The following ZMAT5 variants were observed in gnomAD, a reference collection of about 807,000 sequenced individuals.
The protein encoded by ZMAT5 is zinc finger matrin-type 5, also known as zinc finger matrin-type protein 5.
In ZMAT5, 23 loss-of-function variants were observed where a neutral mutation model predicts 28.0. That is an observed-to-expected ratio of 0.82 (90% CI 0.59 to 1.16). The LOEUF (loss-of-function observed/expected upper bound fraction) is 1.16. Ranked by LOEUF, ZMAT5 falls within the 50% of genes most tolerant of loss-of-function variation. The probability of loss-of-function intolerance (pLI) is 0.00; values close to 1 mark genes in which losing one functional copy is unlikely to be tolerated. For missense variants in ZMAT5, 173 were observed against 212.7 expected (o/e 0.81, Z 1.16); for synonymous variants, 76 against 84.1 (o/e 0.90, Z 0.52).
chr22:29,752,284 C>T (rs1276854633), intron 1 of ZMAT5, among the ~76,000 whole-genome samples: 1 of 152,146 alleles, frequency 6.6e-6, no homozygotes, highest in East Asian at 1.9e-4. Context: ...CCTGCCTCCC[C>T]AGCCACACTC....
chr22:29,738,448 G>A lies in ZMAT5; in HGVS notation c.272-7C>T. ...TCCCTGGCTCGCCTCTCCTCTGTGG[G>A]GACAGGGAGACAAAGGCAAGTGAGG... is the stretch of plus-strand genomic sequence containing the variant. On this transcript the variant is annotated splice_polypyrimidine_tract_variant and splice_region_variant and intron_variant, in intron 4 of 5. Coordinates refer to ENST00000344318, the MANE Select transcript of ZMAT5 (RefSeq NM_001003692.2). 2 of 1,608,196 alleles carry A rather than the reference G, an allele frequency of 1.2e-6. No individual in the cohort carries two copies. The highest frequency in any genetic ancestry group is 8.5e-7 in the Non-Finnish European group (1 of 1,178,840).
At chr22:29,758,177 C>T (rs888210429) in intron 1 of ZMAT5, among the ~76,000 whole-genome samples, 1 of 152,200 alleles carries the variant, frequency 6.6e-6, no homozygotes, top group Non-Finnish European at 1.5e-5. Context: ...CATTTGGAAG[C>T]AAACCCTCTG....
At chr22:29,752,192 G>C (rs2147230694) in intron 1 of ZMAT5, among the ~76,000 whole-genome samples, 1 of 152,256 alleles carries the variant, frequency 6.6e-6, no homozygotes, top group East Asian at 1.9e-4. Context: ...GCTCAGGTCT[G>C]CCAGGAAAGC....
Position 29,740,636 on chromosome 22 carries a change from A to T in ZMAT5, c.271+14T>A, listed in dbSNP as rs982279561. On this transcript the variant is annotated intron_variant, in intron 4 of 5. Coordinates refer to ENST00000344318, the MANE Select transcript of ZMAT5 (RefSeq NM_001003692.2). ...ACCCCACTCCCGCTTAGCCCAGGGC[A>T]TCCCGAGACGTACCCTCCACCTGGA... is the stretch of plus-strand genomic sequence containing the variant. The T allele has an allele frequency of 3.1e-6, 5 of 1,588,852 alleles. No homozygotes were observed. The highest frequency in any genetic ancestry group is 1.8e-5 in the Admixed American group (1 of 55,370).
chr22:29,745,437 G>A (rs748544678), intron 2 of ZMAT5, among the ~76,000 whole-genome samples: 5 of 152,230 alleles, frequency 3.3e-5, no homozygotes, highest in Non-Finnish European at 7.3e-5. Flanking sequence ...GCGCAAGCTC[G>A]CTAGGCAGAG....
At chr22:29,753,858 T>C (rs2068076266) in intron 1 of ZMAT5, among the ~76,000 whole-genome samples, 2 of 152,064 alleles carry the variant, frequency 1.3e-5, no homozygotes, top group Non-Finnish European at 2.9e-5. Flanking sequence ...TTCAACAAGA[T>C]GACCTCGCTC....
At chr22:29,743,663 C>T (rs2067984597) in intron 2 of ZMAT5, among the ~76,000 whole-genome samples, 1 of 152,210 alleles carries the variant, frequency 6.6e-6, no homozygotes, top group Non-Finnish European at 1.5e-5. Flanking sequence ...AACTCCTGGG[C>T]TCAAGCGATC....
chr22:29,758,560 T>C (rs1235712920), intron 1 of ZMAT5, among the ~76,000 whole-genome samples: 4 of 151,956 alleles, frequency 2.6e-5, no homozygotes, highest in African/African-American at 9.7e-5. Context: ...GAGATGAAGG[T>C]TGCAGTGAGC....
chr22:29,732,391 C>CGTGA (rs1491209601), intron 5 of ZMAT5, among the ~76,000 whole-genome samples: 1 of 151,980 alleles, frequency 6.6e-6, no homozygotes, highest in Non-Finnish European at 1.5e-5. Context: ...CAGCAATAGC[C>CGTGA]GTGAGACAAT....
Position 29,761,392 on chromosome 22 carries a change from C to A in ZMAT5, c.-28+5480G>T, listed in dbSNP as rs532830864. Among the ~76,000 whole-genome samples the A allele has an allele frequency of 2.9e-3, 444 of 151,352 alleles. 1 individual carries two copies. The highest frequency in any genetic ancestry group is 0.01 in the African/African-American group (424 of 41,194). Reference sequence around the variant, plus strand: ...AGGAGTTCAAAACCAGCCTGGGCAACATAGGGGAACCTTGTCTCTACAAAT... The same window carrying A: ...AGGAGTTCAAAACCAGCCTGGGCAAAATAGGGGAACCTTGTCTCTACAAAT... On this transcript the variant is annotated intron_variant, in intron 1 of 5. Coordinates refer to ENST00000344318, the MANE Select transcript of ZMAT5 (RefSeq NM_001003692.2).
In ZMAT5 at chr22:29,748,496, T is replaced by C. The variant is rs757879328; in HGVS notation, c.49A>G (p.Asn17Asp). ...CDYCDRSFQD[N>D]LHNRKKHLNG... ...AGGTGCTTCTTGCGGTTGTGGAGGT[T>C]GTCCTGGAAGGAGCGGTCGCAGTAG... Residue 17 changes from asparagine (N) to aspartate (D), a missense_variant, in exon 2 of 6, where the codon AAC (asparagine) becomes GAC (aspartate). Transcript: ENST00000344318. 2.5e-6 allele frequency: 4 copies of C among 1,614,242 alleles called. No homozygotes were observed. Among genetic ancestry groups the C allele is most frequent in the Non-Finnish European group, 3.4e-6 (4 of 1,180,036 alleles).
At chr22:29,756,380 C>A (rs1341159364) in intron 1 of ZMAT5, among the ~76,000 whole-genome samples, 1 of 152,218 alleles carries the variant, frequency 6.6e-6, no homozygotes, top group African/African-American at 2.4e-5. Context: ...GATGTCTTTC[C>A]TGACCGAACC....
At chr22:29,753,416 T>C (rs954191981) in intron 1 of ZMAT5, among the ~76,000 whole-genome samples, 5 of 152,056 alleles carry the variant, frequency 3.3e-5, no homozygotes, top group Non-Finnish European at 7.4e-5. Flanking sequence ...TCCCAGCTAC[T>C]CAGAAGGCTG....
chr22:29,746,009 G>A (rs965918875), intron 2 of ZMAT5, among the ~76,000 whole-genome samples: 1 of 152,160 alleles, frequency 6.6e-6, no homozygotes, highest in African/African-American at 2.4e-5. Flanking sequence ...GTCCCGCTCT[G>A]TTGCCGAGGC....
intron 1 of ZMAT5, among the ~76,000 whole-genome samples, chr22:29,756,275 C>T (rs1361456244): frequency 6.6e-6 from 1 of 152,234 alleles, no homozygotes; most frequent in Non-Finnish European, 1.5e-5. Flanking sequence ...ATATGCCTGC[C>T]ATCTGGAGTT....
chr22:29,753,946 T>C (rs2068076945), intron 1 of ZMAT5, among the ~76,000 whole-genome samples: 1 of 152,092 alleles, frequency 6.6e-6, no homozygotes, highest in African/African-American at 2.4e-5. Context: ...AAGGTTCAAC[T>C]TGCAGAATCC....
chr22:29,738,264 A>C, intron 5 of ZMAT5, 66 bp downstream of exon 5: 2 of 1,427,424 alleles, frequency 1.4e-6, no homozygotes, highest in Non-Finnish European at 9.8e-7. Context: ...AGCCTCAGGA[A>C]GGGGAAGGCG....
rs1318558349 is a variant in ZMAT5, at chr22:29,735,244, TA to T, written c.383+3085del. Among the ~76,000 whole-genome samples, 4 of 152,086 alleles carry T rather than the reference TA, an allele frequency of 2.6e-5. No homozygotes were observed. The East Asian group carries it at 5.8e-4, about 22-fold the overall frequency. ...AAGGCAGCAATGGCAAAAGCAGGAATAAACGGTCACCTCCCTTCCCACAGCC... is the reference window on the plus strand; with the variant it reads ...AAGGCAGCAATGGCAAAAGCAGGAATAACGGTCACCTCCCTTCCCACAGCC... On this transcript the variant is annotated intron_variant, in intron 5 of 5. Transcript: ENST00000344318.
At chr22:29,748,174 T>C in intron 2 of ZMAT5, 1 of 549,478 alleles carries the variant, frequency 1.8e-6, no homozygotes, top group South Asian at 2.0e-5. Context: ...ATTTTAGCTG[T>C]TGGCTCAAAC....
Sources: allele counts gnomAD v4.1 joint callset (sites outside exome capture counted in the v4.1 genomes callset), GRCh38; gene constraint gnomAD v4.1.1; transcripts MANE v1.5; gene names NCBI Gene and HGNC (gene_info 2026-07-23, HGNC 2026-07-21).